KIRREL3: variants seen among roughly 807,000 people sequenced by gnomAD.
The protein encoded by KIRREL3 is kin of IRRE-like protein 3.
KIRREL3 carries 36 observed loss-of-function variants against 89.7 expected under a neutral mutation model. That is an observed-to-expected ratio of 0.40 (90% CI 0.31 to 0.53). KIRREL3 has a LOEUF of 0.53. Ranked by LOEUF, KIRREL3 falls within the 20% of genes least tolerant of loss-of-function variation. KIRREL3 has a pLI of 0.49. For missense variants in KIRREL3, 864 were observed against 1,056.6 expected (o/e 0.82, Z 2.53); for synonymous variants, 445 against 441.4 (o/e 1.01, Z -0.10).
chr11:126,827,625 A>G (rs1943462432), intron 1 of KIRREL3, among the ~76,000 whole-genome samples: 1 of 152,268 alleles, frequency 6.6e-6, no homozygotes, highest in Non-Finnish European at 1.5e-5. Flanking sequence ...AAGGATTTCT[A>G]AAACCATATA....
At chr11:126,720,996 A>G (rs1592017985) in intron 1 of KIRREL3, among the ~76,000 whole-genome samples, 1 of 152,200 alleles carries the variant, frequency 6.6e-6, no homozygotes, top group African/African-American at 2.4e-5. Flanking sequence ...TGGGATTCCT[A>G]GGGAAGAAGC....
chr11:126,541,749 T>C lies in KIRREL3; in HGVS notation c.134-15062A>G, dbSNP rs1177762665. On this transcript the variant is annotated intron_variant, in intron 2 of 16. Transcript: ENST00000525144. This position sits in a 1 kb window ranked among gnomAD's most constrained non-coding sequence, Gnocchi z 4.8. The stretch of plus-strand genomic sequence containing the variant: ...TCTGGGCCACATCCTAAGGGCACTG[T>C]TGTGTGCCCACAGCACGGGCTTGTG... Among the ~76,000 whole-genome samples the C allele has an allele frequency of 2.0e-5, 3 of 152,046 alleles. No homozygotes were observed. The highest frequency in any genetic ancestry group is 4.1e-4 in the South Asian group (2 of 4,824).
intron 1 of KIRREL3, among the ~76,000 whole-genome samples, chr11:126,581,171 A>G (rs778071283): frequency 3.3e-5 from 5 of 151,998 alleles, no homozygotes; most frequent in African/African-American, 9.7e-5. Context: ...TAATTTTGCT[A>G]TAGTTAGTGG....
rs1016302644 is a variant in KIRREL3 at position 126,656,549 on chromosome 11, G to A, written c.56-93637C>T. ...TAAGGCAGCAGGTGACAGTGGTTGCGTGCTCCTGGGCACCGCCTGCCCAGC... is the reference window on the plus strand; with the variant it reads ...TAAGGCAGCAGGTGACAGTGGTTGCATGCTCCTGGGCACCGCCTGCCCAGC... On this transcript the variant is annotated intron_variant, in intron 1 of 16. Coordinates refer to ENST00000525144, the MANE Select transcript of KIRREL3 (RefSeq NM_032531.4). The surrounding 1 kb of genome is among the most constrained non-coding windows in gnomAD (Gnocchi z 4.0). 1.2e-4 allele frequency among the ~76,000 whole-genome samples: 18 copies of A among 152,274 alleles called. No homozygotes were observed. Among genetic ancestry groups the A allele is most frequent in the African/African-American group, 1.9e-4 (8 of 41,574 alleles).
intron 1 of KIRREL3, among the ~76,000 whole-genome samples, chr11:126,746,131 TAG>T (rs1478590326): frequency 6.6e-6 from 1 of 152,198 alleles, no homozygotes; most frequent in Non-Finnish European, 1.5e-5. Flanking sequence ...TGAGGGTCCA[TAG>T]AGATTTTCTT....
intron 1 of KIRREL3, among the ~76,000 whole-genome samples, chr11:126,810,789 G>A (rs1266849261): frequency 1.3e-5 from 2 of 152,190 alleles, no homozygotes; most frequent in African/African-American, 4.8e-5. Context: ...TACTGAGTCT[G>A]AAACACCAAA....
At chr11:126,637,885 G>T (rs1368267327) in intron 1 of KIRREL3, among the ~76,000 whole-genome samples, 3 of 152,214 alleles carry the variant, frequency 2.0e-5, no homozygotes, top group African/African-American at 7.2e-5. Context: ...AGACTAGCAA[G>T]TAAACCGATG....
chr11:126,934,293 A>G (rs1948083459), intron 1 of KIRREL3, among the ~76,000 whole-genome samples: 1 of 152,184 alleles, frequency 6.6e-6, no homozygotes, highest in South Asian at 2.1e-4. Context: ...CTGGCCTCAT[A>G]CCACAAGCAC....
At chr11:126,928,329 A>G (rs1947804915) in intron 1 of KIRREL3, among the ~76,000 whole-genome samples, 1 of 152,228 alleles carries the variant, frequency 6.6e-6, no homozygotes, top group Non-Finnish European at 1.5e-5. Context: ...GAGGTGGGGA[A>G]GAAATGAGGT....
At chr11:126,626,751 G>A (rs978534164) in intron 1 of KIRREL3, among the ~76,000 whole-genome samples, 2 of 152,182 alleles carry the variant, frequency 1.3e-5, no homozygotes, top group Non-Finnish European at 2.9e-5. Context: ...CCAGCACTTT[G>A]GAAGGCCGAG....
intron 1 of KIRREL3, among the ~76,000 whole-genome samples, chr11:126,957,817 T>C (rs1288632497): frequency 3.9e-5 from 6 of 152,182 alleles, no homozygotes; most frequent in Admixed American, 3.9e-4. Flanking sequence ...GAACTAGATG[T>C]CTGAAGACCT....
chr11:126,846,452 T>C (rs1486109704), intron 1 of KIRREL3, among the ~76,000 whole-genome samples: 1 of 152,244 alleles, frequency 6.6e-6, no homozygotes, highest in African/African-American at 2.4e-5. Context: ...AAAATTATCA[T>C]GCCTTTTAGG....
intron 1 of KIRREL3, among the ~76,000 whole-genome samples, chr11:126,800,151 G>T (rs770183875): frequency 6.6e-6 from 1 of 152,170 alleles, no homozygotes; most frequent in African/African-American, 2.4e-5. Context: ...CTCAGGTCTG[G>T]CATCACCAAG....
intron 3 of KIRREL3, among the ~76,000 whole-genome samples, chr11:126,524,789 G>A (rs781539269): frequency 9.2e-5 from 14 of 152,320 alleles, no homozygotes; most frequent in Middle Eastern, 6.8e-3. Context: ...CTTTCGCGGT[G>A]TTAAGGGCTC....
At position 126,677,101 on chromosome 11, in the gene KIRREL3, C is replaced by G. The variant is rs551143647; in HGVS notation, c.56-114189G>C. Among the ~76,000 whole-genome samples, 2 of 152,064 alleles carry G rather than the reference C, an allele frequency of 1.3e-5. No homozygotes were observed. The highest frequency in any genetic ancestry group is 4.2e-4 in the South Asian group (2 of 4,808). ...TGAGATACAGTTCACATATGGCCCA[C>G]TTAAAGAATACAATTCAGTGATTTT... On this transcript the variant is annotated intron_variant, in intron 1 of 16. Transcript: ENST00000525144. The surrounding 1 kb of genome is among the most constrained non-coding windows in gnomAD (Gnocchi z 5.1).
chr11:126,487,120 A>G (rs185353618), intron 4 of KIRREL3, among the ~76,000 whole-genome samples: 16 of 152,334 alleles, frequency 1.1e-4, no homozygotes, highest in Non-Finnish European at 2.4e-4. Flanking sequence ...AAATAAGCAC[A>G]AGACATTCCA....
Position 126,995,566 on chromosome 11 carries a change from T to C in KIRREL3, c.55+4889A>G, listed in dbSNP as rs969605373. ...GCATCCCCCATCTATATCAAGACCA[T>C]AAAACCAGTGCTTTTGGCCCTCCTC... On this transcript the variant is annotated intron_variant, in intron 1 of 16. Coordinates refer to ENST00000525144, the MANE Select transcript of KIRREL3 (RefSeq NM_032531.4). This position sits in a 1 kb window ranked among gnomAD's most constrained non-coding sequence, Gnocchi z 6.5. 2 of 328,048 alleles carry C rather than the reference T, an allele frequency of 6.1e-6. No homozygotes were observed. The highest frequency in any genetic ancestry group is 8.1e-5 in the East Asian group (1 of 12,420). The allele number at this position is 328,048 out of a possible 1,614,324, so 20.3% of individuals were successfully genotyped here. A position where few individuals can be genotyped will look rare whatever the true frequency, so the allele number is the denominator to read the frequency against.
At chr11:126,511,617 G>A (rs1489051227) in intron 4 of KIRREL3, among the ~76,000 whole-genome samples, 1 of 152,152 alleles carries the variant, frequency 6.6e-6, no homozygotes, top group Admixed American at 6.5e-5. Flanking sequence ...TTAGGCTCTG[G>A]CCCCTGCCAA....
Position 126,541,155 on chromosome 11 carries a change from C to T in KIRREL3, c.134-14468G>A, listed in dbSNP as rs12278937. Among the ~76,000 whole-genome samples the T allele has an allele frequency of 0.054, 8,160 of 152,208 alleles. 636 individuals carry two copies. Among genetic ancestry groups the T allele is most frequent in the African/African-American group, 0.18 (7,306 of 41,512 alleles). ...GGCTAGGTCATGGATTGGCTGACTC[C>T]AAGATGCCCAGCACCTCTTGCTCCC... On this transcript the variant is annotated intron_variant, in intron 2 of 16. Transcript: ENST00000525144. The surrounding 1 kb of genome is among the most constrained non-coding windows in gnomAD (Gnocchi z 4.8).
Sources: allele counts gnomAD v4.1 joint callset (sites outside exome capture counted in the v4.1 genomes callset), GRCh38; gene constraint gnomAD v4.1.1; non-coding constraint Gnocchi (gnomAD v3.1); transcripts MANE v1.5; gene names NCBI Gene and HGNC (gene_info 2026-07-23, HGNC 2026-07-21).